DNAAF10: variants seen among roughly 807,000 people sequenced by gnomAD.
DNAAF10 encodes the protein dynein axonemal assembly factor 10.
In DNAAF10, 28 loss-of-function variants were observed where a neutral mutation model predicts 43.7. The ratio of observed to expected loss-of-function variants is 0.64; its 90% CI spans 0.48 to 0.88. DNAAF10 has a LOEUF of 0.88. Ranked by LOEUF, DNAAF10 falls within the 40% of genes least tolerant of loss-of-function variation. DNAAF10 has a pLI of 0.00. For missense variants in DNAAF10, 403 were observed against 439.1 expected (o/e 0.92, Z 0.73); for synonymous variants, 156 against 157.3 (o/e 0.99, Z 0.06).
intron 7 of DNAAF10, chr2:68,131,679 C>A: frequency 2.1e-6 from 1 of 471,120 alleles, no homozygotes; most frequent in Non-Finnish European, 3.9e-6. Context: ...TTCTAAAAGT[C>A]ATTTCTGCTC....
At chr2:68,139,697 G>A (rs917800575) in intron 4 of DNAAF10, among the ~76,000 whole-genome samples, 8 of 151,026 alleles carry the variant, frequency 5.3e-5, no homozygotes, top group African/African-American at 1.9e-4. Flanking sequence ...CCAGCTACTC[G>A]GGAGGCTGAG....
At chr2:68,138,097 C>A (rs1032652652) in intron 5 of DNAAF10, among the ~76,000 whole-genome samples, 3 of 151,802 alleles carry the variant, frequency 2.0e-5, no homozygotes, top group African/African-American at 7.3e-5. Flanking sequence ...ATGGCATGAA[C>A]CTGGGAGGCA....
chr2:68,157,169 A>T (rs1372794411), intron 1 of DNAAF10, 92 bp downstream of exon 1: 4 of 1,489,302 alleles, frequency 2.7e-6, no homozygotes, highest in Non-Finnish European at 3.6e-6. Flanking sequence ...GCTTTGGGGG[A>T]CGCTGGGCGA....
At chr2:68,155,044 T>C (rs955394814) in intron 1 of DNAAF10, among the ~76,000 whole-genome samples, 4 of 152,108 alleles carry the variant, frequency 2.6e-5, no homozygotes, top group African/African-American at 4.8e-5. Flanking sequence ...AGTGTTGGAA[T>C]TGCAGGCGTT....
chr2:68,143,586 A>T (rs967175809), intron 3 of DNAAF10, among the ~76,000 whole-genome samples: 1 of 152,184 alleles, frequency 6.6e-6, no homozygotes, highest in Non-Finnish European at 1.5e-5. Context: ...GACAACAAAT[A>T]AAAAAAGCAA....
rs766272863 is a variant in DNAAF10 at position 68,157,509 on chromosome 2, C to G, written c.-66G>C. ...GCCCCCAAAAACGGCAACCTGGAAA[C>G]CAGACTCCAAACATTGGCAATTTGT... On this transcript the variant is annotated 5_prime_UTR_variant, in exon 1 of 8. Transcript: ENST00000295121. The G allele has an allele frequency of 2.2e-5, 36 of 1,606,258 alleles. No homozygotes were observed. The highest frequency in any genetic ancestry group is 8.0e-5 in the African/African-American group (6 of 74,762).
intron 1 of DNAAF10, among the ~76,000 whole-genome samples, chr2:68,156,644 CTA>C (rs972030288): frequency 6.6e-6 from 1 of 152,198 alleles, no homozygotes. Flanking sequence ...GCTTATCCCT[CTA>C]GTTTCTTAAG....
chr2:68,147,590 G>A (rs916113823), intron 1 of DNAAF10, 23 bp from the exon 2 acceptor site: 1 of 1,536,826 alleles, frequency 6.5e-7, no homozygotes, highest in African/African-American at 1.4e-5. Flanking sequence ...GAGGAAGAGA[G>A]GATATATTAT....
In DNAAF10 at chr2:68,157,162, T is replaced by C; in HGVS notation, c.183+99A>G. ...GGTCTCGCGCGGCTCAAGCCATGCTTTGGGGGACGCTGGGCGAAGGCTCTG... is the reference window on the plus strand; with the variant it reads ...GGTCTCGCGCGGCTCAAGCCATGCTCTGGGGGACGCTGGGCGAAGGCTCTG... On this transcript the variant is annotated intron_variant, in intron 1 of 7. Coordinates refer to ENST00000295121, the MANE Select transcript of DNAAF10 (RefSeq NM_138458.4). 5.4e-6 allele frequency: 8 copies of C among 1,477,868 alleles called. No individual in the cohort carries two copies. The South Asian group carries it at 9.3e-5, about 17-fold the overall frequency. 91.5% of individuals were successfully genotyped at this position (1,477,868 alleles called of 1,614,324 possible). A position where few individuals can be genotyped will look rare whatever the true frequency, so the allele number is the denominator to read the frequency against.
intron 4 of DNAAF10, 42 bp from the exon 5 acceptor site, chr2:68,138,899 TCCTTATAAAGG>T (rs1558608188): frequency 7.2e-7 from 1 of 1,391,652 alleles, no homozygotes; most frequent in Non-Finnish European, 1.0e-6. Context: ...TATAAATGCA[TCCTTATAAAGG>T]CTGCTTTAAA....
intron 1 of DNAAF10, 61 bp from the exon 2 acceptor site, chr2:68,147,628 T>G: frequency 8.3e-7 from 1 of 1,205,608 alleles, no homozygotes; most frequent in South Asian, 1.5e-5. Context: ...TATAATCTAT[T>G]AATATCATAT....
In DNAAF10 at chr2:68,157,496, G is replaced by T. The variant is rs1394055182; in HGVS notation, c.-53C>A. On this transcript the variant is annotated 5_prime_UTR_variant, in exon 1 of 8. Transcript: ENST00000295121. Reference sequence around the variant, plus strand: ...CGCCACACCCAGAGCCCCCAAAAACGGCAACCTGGAAACCAGACTCCAAAC... The same window carrying T: ...CGCCACACCCAGAGCCCCCAAAAACTGCAACCTGGAAACCAGACTCCAAAC... 1.2e-6 allele frequency: 2 copies of T among 1,612,882 alleles called. No homozygotes were observed. The highest frequency in any genetic ancestry group is 1.3e-5 in the African/African-American group (1 of 74,994).
chr2:68,137,496 A>G (rs1673072805), intron 5 of DNAAF10, 63 bp from the exon 6 acceptor site: 1 of 1,360,844 alleles, frequency 7.3e-7, no homozygotes, highest in African/African-American at 1.5e-5. Flanking sequence ...GCTCTTTTAT[A>G]CTAAGTAAAA....
chr2:68,149,209 A>G (rs2103630660), intron 1 of DNAAF10, among the ~76,000 whole-genome samples: 1 of 152,324 alleles, frequency 6.6e-6, no homozygotes. Flanking sequence ...AAACTATAAC[A>G]ACTTTTTTTC....
chr2:68,148,678 T>TG (rs1356401296), intron 1 of DNAAF10, among the ~76,000 whole-genome samples: 9 of 152,194 alleles, frequency 5.9e-5, no homozygotes, highest in African/African-American at 2.2e-4. Context: ...ATCACACTCT[T>TG]GCCATATAAC....
At chr2:68,138,126 C>T (rs1170312944) in intron 5 of DNAAF10, among the ~76,000 whole-genome samples, 1 of 149,028 alleles carries the variant, frequency 6.7e-6, no homozygotes, top group Non-Finnish European at 1.5e-5. Context: ...AGTGAGCCAA[C>T]ATCGCGCCAC....
At chr2:68,147,636 T>G in intron 1 of DNAAF10, 69 bp from the exon 2 acceptor site, 1 of 1,104,558 alleles carries the variant, frequency 9.1e-7, no homozygotes, top group Non-Finnish European at 1.3e-6. Context: ...ATTAATATCA[T>G]ATTTATGGCT....
chr2:68,157,206 C>G, intron 1 of DNAAF10, 55 bp downstream of exon 1: 3 of 1,568,178 alleles, frequency 1.9e-6, no homozygotes, highest in Non-Finnish European at 1.7e-6. Context: ...GAATGCAGAC[C>G]CCAGGATCCG....
Position 68,138,723 on chromosome 2 carries a change from G to C in DNAAF10, c.633+19C>G. 2 of 1,562,188 alleles carry C rather than the reference G, an allele frequency of 1.3e-6. No individual in the cohort carries two copies. The highest frequency in any genetic ancestry group is 1.8e-6 in the Non-Finnish European group (2 of 1,133,060). ...GAAACATGCTCAGAGAAACCAAAAAGCCTCAGAATGTACTTTACCCCATTT... is the reference window on the plus strand; with the variant it reads ...GAAACATGCTCAGAGAAACCAAAAACCCTCAGAATGTACTTTACCCCATTT... On this transcript the variant is annotated intron_variant, in intron 5 of 7. Transcript: ENST00000295121.
Sources: gnomAD v4.1 joint callset for allele counts (sites outside exome capture counted in the v4.1 genomes callset) on GRCh38, gnomAD v4.1.1 for gene constraint, MANE v1.5 for transcripts, NCBI Gene and HGNC (gene_info 2026-07-23, HGNC 2026-07-21) for gene names.